The following SNX31 variants were observed in gnomAD, a reference collection of about 807,000 sequenced individuals.
SNX31 encodes sorting nexin-31.
SNX31 carries 58 observed loss-of-function variants against 65.4 expected under a neutral mutation model. That is an observed-to-expected ratio of 0.89 (90% CI 0.72 to 1.10). The LOEUF (loss-of-function observed/expected upper bound fraction) is 1.10, where lower values mean the gene tolerates loss of function less well. Ranked by LOEUF, SNX31 falls within the 50% of genes least tolerant of loss-of-function variation. The probability of loss-of-function intolerance (pLI) is 0.00; values close to 1 mark genes in which losing one functional copy is unlikely to be tolerated. For synonymous variants in SNX31, 181 were observed against 190.1 expected (o/e 0.95, Z 0.39); for missense variants, 523 against 529.7 (o/e 0.99, Z 0.12).
Position 100,630,341 on chromosome 8 carries a change from T to G in SNX31, c.307A>C (p.Lys103Gln), listed in dbSNP as rs1486462279. 1 of 1,613,276 alleles carries G rather than the reference T, an allele frequency of 6.2e-7. No homozygotes were observed. Among genetic ancestry groups the G allele is most frequent in the Admixed American group, 1.7e-5 (1 of 59,718 alleles). ...AGCAAGCTTACCAGCTGCGCCAGTT[T>G]TAAAAACTCAACGAAGACATCACTT... is the stretch of plus-strand genomic sequence containing the variant. Reference protein sequence around the residue: ...LRSDVFVEFLKLAQLNTFDIA... With the variant: ...LRSDVFVEFLQLAQLNTFDIA... The change falls in exon 4 of 14, where the codon AAA (lysine) becomes CAA (glutamine). Residue 103 changes from lysine to glutamine, a missense_variant. Lys to Gln is a moderately conservative substitution (Grantham distance 53). Coordinates refer to ENST00000311812, the MANE Select transcript of SNX31 (RefSeq NM_152628.4). This position sits in a 1 kb window ranked among gnomAD's most constrained non-coding sequence, Gnocchi z 5.3.
At chr8:100,608,042 T>C (rs1816336806) in intron 8 of SNX31, among the ~76,000 whole-genome samples, 1 of 152,208 alleles carries the variant, frequency 6.6e-6, no homozygotes, top group East Asian at 1.9e-4. Context: ...AGGGATATCC[T>C]TTCTAGGCTC....
chr8:100,647,573 T>C (rs886985020), intron 2 of SNX31, among the ~76,000 whole-genome samples: 5 of 152,206 alleles, frequency 3.3e-5, no homozygotes, highest in Non-Finnish European at 7.3e-5. Flanking sequence ...GCATATATTA[T>C]GTACCAGGCT....
chr8:100,644,065 A>G (rs1444552552), intron 2 of SNX31, among the ~76,000 whole-genome samples: 2 of 152,198 alleles, frequency 1.3e-5, no homozygotes, highest in South Asian at 2.1e-4. Flanking sequence ...AGCCAGGCAG[A>G]GACAAAGAGT....
chr8:100,594,313 C>A lies in SNX31; in HGVS notation c.978+2326G>T, dbSNP rs1029232839. 6.6e-6 allele frequency among the ~76,000 whole-genome samples: 1 copy of A among 151,866 alleles called. No homozygotes were observed. Among genetic ancestry groups the A allele is most frequent in the East Asian group, 1.9e-4 (1 of 5,160 alleles). On this transcript the variant is annotated intron_variant, in intron 10 of 13. Coordinates refer to ENST00000311812, the MANE Select transcript of SNX31 (RefSeq NM_152628.4). This position sits in a 1 kb window ranked among gnomAD's most constrained non-coding sequence, Gnocchi z 4.0. ...AGCAAGACTCTGTCTCAAAACAAAA[C>A]CAAAACAAGGAAACAGACAAACAAC...
chr8:100,584,748 CTT>C (rs531595486), intron 11 of SNX31, among the ~76,000 whole-genome samples: 3 of 135,418 alleles, frequency 2.2e-5, no homozygotes, highest in Admixed American at 1.5e-4. Flanking sequence ...TTTTCTTTTT[CTT>C]TTTTTTTTTT....
Position 100,588,680 on chromosome 8 carries a change from C to T in SNX31, c.1092+186G>A, listed in dbSNP as rs1814277318. Reference sequence around the variant, plus strand: ...ATTCATTTCTAACTGATACAAAGGCCACGGTGACTAGTAAAATATAACAAA... The same window carrying T: ...ATTCATTTCTAACTGATACAAAGGCTACGGTGACTAGTAAAATATAACAAA... On this transcript the variant is annotated intron_variant, in intron 11 of 13. Transcript: ENST00000311812. The surrounding 1 kb of genome is among the most constrained non-coding windows in gnomAD (Gnocchi z 4.8). Among the ~76,000 whole-genome samples the T allele has an allele frequency of 6.6e-6, 1 of 152,122 alleles. No homozygotes were observed. Among genetic ancestry groups the T allele is most frequent in the Non-Finnish European group, 1.5e-5 (1 of 68,030 alleles).
chr8:100,649,638 C>T lies in SNX31; in HGVS notation c.-124G>A. 2 of 896,298 alleles carry T rather than the reference C, an allele frequency of 2.2e-6. No homozygotes were observed. Among genetic ancestry groups the T allele is most frequent in the Admixed American group, 3.2e-5 (1 of 31,172 alleles). The allele number at this position is 896,298 out of a possible 1,614,324, so 55.5% of individuals were successfully genotyped here. A position where few individuals can be genotyped will look rare whatever the true frequency, so the allele number is the denominator to read the frequency against. ...CCACGCGACTCAGAGCGAACCCCGG[C>T]GCCCGCTCTCGCCGGCCGGGGACAT... On this transcript the variant is annotated 5_prime_UTR_variant, in exon 1 of 14. Coordinates refer to ENST00000311812, the MANE Select transcript of SNX31 (RefSeq NM_152628.4).
intron 4 of SNX31, among the ~76,000 whole-genome samples, chr8:100,620,817 A>C (rs993662134): frequency 3.9e-5 from 6 of 152,148 alleles, no homozygotes; most frequent in African/African-American, 1.4e-4. Flanking sequence ...TAACTTGCCC[A>C]GGCCGAGCAT....
Position 100,573,648 on chromosome 8 carries a change from C to T in SNX31, c.*217G>A, listed in dbSNP as rs927121113. 17 of 353,512 alleles carry T rather than the reference C, an allele frequency of 4.8e-5. No individual in the cohort carries two copies. In the Admixed American group the frequency reaches 8.0e-4, roughly 17 times the overall value. 21.9% of individuals were successfully genotyped at this position (353,512 alleles called of 1,614,324 possible). A position where few individuals can be genotyped will look rare whatever the true frequency, so the allele number is the denominator to read the frequency against. ...ACGAAGTGCAAAAATAAAATAAAAA[C>T]TAACTCTATAACTTGGTTCTTTTTT... On this transcript the variant is annotated 3_prime_UTR_variant, in exon 14 of 14. Coordinates refer to ENST00000311812, the MANE Select transcript of SNX31 (RefSeq NM_152628.4).
intron 4 of SNX31, chr8:100,618,121 C>G (rs776316158): frequency 5.1e-6 from 5 of 985,194 alleles, no homozygotes; most frequent in Admixed American, 6.2e-5. Context: ...CCACAGCTTC[C>G]TTTTTTGGTG....
chr8:100,634,810 C>T (rs62513888), intron 3 of SNX31, among the ~76,000 whole-genome samples: 19,872 of 151,344 alleles, frequency 0.13, 1,814 homozygotes, highest in African/African-American at 0.26. Context: ...AATCCCAGCA[C>T]TTTGGGAGGC....
In SNX31 at chr8:100,578,444, A is replaced by G. The variant is rs1216216954; in HGVS notation, c.1171-1369T>C. On this transcript the variant is annotated intron_variant, in intron 12 of 13. Transcript: ENST00000311812. This position sits in a 1 kb window ranked among gnomAD's most constrained non-coding sequence, Gnocchi z 4.7. ...CATCACATGGTACACACAGGCATTC[A>G]TAAATGACAGAATAAACAAGTGACT... is the stretch of plus-strand genomic sequence containing the variant. Among the ~76,000 whole-genome samples the G allele has an allele frequency of 6.6e-6, 1 of 152,236 alleles. No individual in the cohort carries two copies. Among genetic ancestry groups the G allele is most frequent in the African/African-American group, 2.4e-5 (1 of 41,460 alleles).
Position 100,589,104 on chromosome 8 carries a change from C to T in SNX31, c.979-125G>A, listed in dbSNP as rs535951786. The T allele has an allele frequency of 3.2e-3, 1,880 of 587,428 alleles. 11 individuals are homozygous for T. The highest frequency in any genetic ancestry group is 3.8e-3 in the Non-Finnish European group (1,291 of 337,642). The allele number at this position is 587,428 out of a possible 1,614,324, so 36.4% of individuals were successfully genotyped here. ...TCGCCTGAGGTCAGGAGTTCGAGAC[C>T]ATCCTGGCCAACATGGTGAAACCCC... On this transcript the variant is annotated intron_variant, in intron 10 of 13. Transcript: ENST00000311812.
At chr8:100,602,994 CAG>C (rs1445196265) in intron 8 of SNX31, among the ~76,000 whole-genome samples, 1 of 152,046 alleles carries the variant, frequency 6.6e-6, no homozygotes, top group African/African-American at 2.4e-5. Flanking sequence ...AATTGAGGTT[CAG>C]AGAGGTTATG....
In SNX31 at chr8:100,614,462, C is replaced by G. The variant is rs1428803685; in HGVS notation, c.433-1377G>C. On this transcript the variant is annotated intron_variant, in intron 5 of 13. Coordinates refer to ENST00000311812, the MANE Select transcript of SNX31 (RefSeq NM_152628.4). This position sits in a 1 kb window ranked among gnomAD's most constrained non-coding sequence, Gnocchi z 5.1. ...ACCTTCTTTTGAGAGGAGTGAGCATCAGCAAAAAAATACGTAATAATATTT... is the reference window on the plus strand; with the variant it reads ...ACCTTCTTTTGAGAGGAGTGAGCATGAGCAAAAAAATACGTAATAATATTT... 6.6e-6 allele frequency among the ~76,000 whole-genome samples: 1 copy of G among 152,116 alleles called. No individual in the cohort carries two copies. Among genetic ancestry groups the G allele is most frequent in the Non-Finnish European group, 1.5e-5 (1 of 67,994 alleles).
intron 13 of SNX31, among the ~76,000 whole-genome samples, chr8:100,574,516 C>G (rs1019660160): frequency 6.6e-6 from 1 of 151,710 alleles, no homozygotes; most frequent in African/African-American, 2.4e-5. Context: ...GCCTGTGGTC[C>G]GAGCTATTCG....
At chr8:100,641,595 T>TATATAC (rs1241411821) in intron 2 of SNX31, among the ~76,000 whole-genome samples, 744 of 21,980 alleles carry the variant, frequency 0.034, 19 homozygotes, top group Non-Finnish European at 0.043. Flanking sequence ...TATATATATA[T>TATATAC]ACACATACAC....
chr8:100,605,905 C>T (rs1816109742), intron 8 of SNX31, among the ~76,000 whole-genome samples: 1 of 152,080 alleles, frequency 6.6e-6, no homozygotes, highest in Non-Finnish European at 1.5e-5. Flanking sequence ...GCAATCTCAT[C>T]CAAGGTCATG....
intron 9 of SNX31, among the ~76,000 whole-genome samples, chr8:100,598,363 A>G (rs549793436): frequency 9.3e-4 from 142 of 152,348 alleles, no homozygotes; most frequent in South Asian, 2.3e-3. Context: ...GAGTAGTGTC[A>G]TGCTTTTGCT....
Sources: allele counts gnomAD v4.1 joint callset (sites outside exome capture counted in the v4.1 genomes callset), GRCh38; gene constraint gnomAD v4.1.1; non-coding constraint Gnocchi (gnomAD v3.1); transcripts MANE v1.5; gene names NCBI Gene and HGNC (gene_info 2026-07-23, HGNC 2026-07-21).